Variants in FMN1 observed in about 807,000 individuals in gnomAD.
The protein encoded by FMN1 is formin-1.
Under a neutral mutation model 132.4 loss-of-function variants are expected in FMN1, and 110 were observed. That is an observed-to-expected ratio of 0.83 (90% confidence interval 0.71 to 0.97). FMN1 has a LOEUF of 0.97. Among genes scored for constraint, FMN1 ranks in the 50% least tolerant of loss-of-function variants. FMN1 has a pLI of 0.00. For missense variants in FMN1, 1,792 were observed against 1,705.3 expected (o/e 1.05, Z -0.90); for synonymous variants, 722 against 651.7 (o/e 1.11, Z -1.64).
At chr15:33,078,596 T>A (rs2038316872) in intron 5 of FMN1, among the ~76,000 whole-genome samples, 1 of 148,220 alleles carries the variant, frequency 6.7e-6, no homozygotes, top group South Asian at 2.2e-4. Context: ...ATAATGATAC[T>A]AATAAATTGG....
intron 6 of FMN1, among the ~76,000 whole-genome samples, chr15:33,026,542 A>G (rs911273778): frequency 6.6e-6 from 1 of 152,194 alleles, no homozygotes; most frequent in Non-Finnish European, 1.5e-5. Flanking sequence ...CTTGTAAGAA[A>G]AAGCATATTC....
intron 4 of FMN1, among the ~76,000 whole-genome samples, chr15:33,144,711 A>G (rs1189005283): frequency 6.6e-6 from 1 of 152,126 alleles, no homozygotes; most frequent in Non-Finnish European, 1.5e-5. Context: ...AAGATGCTAT[A>G]TAAGTAAGTG....
At chr15:32,840,167 C>T (rs2058715032) in intron 17 of FMN1, among the ~76,000 whole-genome samples, 2 of 152,222 alleles carry the variant, frequency 1.3e-5, no homozygotes, top group Non-Finnish European at 1.5e-5. Context: ...CACCCATTAA[C>T]TTGGCCTCCT....
chr15:32,956,073 G>C (rs1370836945), intron 9 of FMN1, among the ~76,000 whole-genome samples: 1 of 152,148 alleles, frequency 6.6e-6, no homozygotes, highest in Non-Finnish European at 1.5e-5. Flanking sequence ...AGAGATATGA[G>C]AAGACTAAAG....
At chr15:33,165,195 C>A (rs1173161686) in intron 3 of FMN1, among the ~76,000 whole-genome samples, 4 of 152,158 alleles carry the variant, frequency 2.6e-5, no homozygotes, top group Admixed American at 1.3e-4. Flanking sequence ...GTTAGTAAGA[C>A]AAAGAGAGCT....
chr15:32,780,610 C>T (rs1051013918), intron 19 of FMN1, among the ~76,000 whole-genome samples: 1 of 152,190 alleles, frequency 6.6e-6, no homozygotes, highest in African/African-American at 2.4e-5. Context: ...TTTCCCTGTA[C>T]TCTACAGACT....
intron 17 of FMN1, among the ~76,000 whole-genome samples, chr15:32,846,916 A>G (rs191851415): frequency 2.0e-5 from 3 of 152,316 alleles, no homozygotes; most frequent in African/African-American, 7.2e-5. Flanking sequence ...TAGTTTTTCC[A>G]AAACAAACTA....
At chr15:32,930,199 G>A (rs1488233595) in intron 9 of FMN1, among the ~76,000 whole-genome samples, 1 of 151,928 alleles carries the variant, frequency 6.6e-6, no homozygotes, top group Non-Finnish European at 1.5e-5. Flanking sequence ...GTGTTAGCCA[G>A]AATGGTCTCT....
At chr15:33,050,819 T>C (rs994649725) in intron 6 of FMN1, among the ~76,000 whole-genome samples, 4 of 152,232 alleles carry the variant, frequency 2.6e-5, no homozygotes, top group African/African-American at 9.6e-5. Flanking sequence ...AAAAGGTTCA[T>C]TACTACAGGC....
chr15:32,886,226 G>A (rs1410155451), intron 16 of FMN1, among the ~76,000 whole-genome samples: 1 of 152,078 alleles, frequency 6.6e-6, no homozygotes, highest in Non-Finnish European at 1.5e-5. Flanking sequence ...AGATTAGCAG[G>A]GCATTTTTGT....
chr15:33,155,427 A>G (rs1429605014), intron 3 of FMN1, among the ~76,000 whole-genome samples: 1 of 152,204 alleles, frequency 6.6e-6, no homozygotes, highest in South Asian at 2.1e-4. Context: ...AGATCCTTAG[A>G]AAACACAGCC....
chr15:33,014,625 G>C (rs2034932495), intron 6 of FMN1, among the ~76,000 whole-genome samples: 1 of 152,110 alleles, frequency 6.6e-6, no homozygotes. Context: ...TAACTGGCAG[G>C]ATTCAACATT....
At chr15:33,073,749 G>A (rs1420697547) in intron 5 of FMN1, among the ~76,000 whole-genome samples, 1 of 105,730 alleles carries the variant, frequency 9.5e-6, no homozygotes. Context: ...TTTTTTTTTT[G>A]AGACAGGGTC....
At chr15:32,824,913 C>A (rs2058325708) in intron 17 of FMN1, among the ~76,000 whole-genome samples, 1 of 152,190 alleles carries the variant, frequency 6.6e-6, no homozygotes, top group African/African-American at 2.4e-5. Context: ...CCAGGAATTC[C>A]AATTATTCCC....
At chr15:32,899,461 C>T (rs1240049939) in intron 14 of FMN1, among the ~76,000 whole-genome samples, 1 of 152,184 alleles carries the variant, frequency 6.6e-6, no homozygotes, top group Non-Finnish European at 1.5e-5. Flanking sequence ...CCCCATGGGA[C>T]GCCTAGCTAT....
chr15:33,082,683 A>AG (rs1374170955), intron 5 of FMN1, among the ~76,000 whole-genome samples: 1 of 152,156 alleles, frequency 6.6e-6, no homozygotes, highest in African/African-American at 2.4e-5. Flanking sequence ...GGTAGCTCCT[A>AG]GTTCAGTGGA....
At position 33,153,777 on chromosome 15, in the gene FMN1, C is replaced by A; in HGVS notation, c.1138G>T (p.Ala380Ser). The A allele has an allele frequency of 6.5e-7, 1 of 1,536,344 alleles. No individual in the cohort carries two copies. The highest frequency in any genetic ancestry group is 8.7e-7 in the Non-Finnish European group (1 of 1,146,968). Reference sequence around the variant, plus strand: ...TTGCCCTGCCGCCTGGAGCCATGAGCCCCAGCCTCAGCTCCCGGGAGGGTG... The same window carrying A: ...TTGCCCTGCCGCCTGGAGCCATGAGACCCAGCCTCAGCTCCCGGGAGGGTG... ...LLTLPGAEAG[A>S]HGSRRQGKER... The change falls in exon 4 of 21, where the codon GCT becomes TCT. Residue 380 changes from alanine (A) to serine (S), a missense_variant. Around this residue, in one of 3 missense-constraint regions of FMN1, gnomAD observed 638 missense variants for 645.2 expected, o/e 0.99. Transcript: ENST00000616417.
At position 32,969,383 on chromosome 15, in the gene FMN1, A is replaced by G; in HGVS notation, c.2318T>C (p.Leu773Pro). ...EETIENLKHE[L>P]EHRWRGGCEE... ...ACAACCCCCTCGCCATCTGTGTTCT[A>G]GCTCGTGTTTCAGATTTTCAATGGT... Residue 773 changes from leucine to proline, a missense_variant, in exon 8 of 21, where the codon CTA becomes CCA. Around this residue, in one of 3 missense-constraint regions of FMN1, gnomAD observed 1,150 missense variants for 1,043.1 expected, o/e 1.10. Coordinates refer to ENST00000616417, the MANE Select transcript of FMN1 (RefSeq NM_001277313.2). 1 of 1,613,916 alleles carries G rather than the reference A, an allele frequency of 6.2e-7. No homozygotes were observed. The highest frequency in any genetic ancestry group is 8.5e-7 in the Non-Finnish European group (1 of 1,179,880).
chr15:32,906,477 A>G (rs1230757171), intron 12 of FMN1, among the ~76,000 whole-genome samples: 1 of 152,194 alleles, frequency 6.6e-6, no homozygotes, highest in Non-Finnish European at 1.5e-5. Flanking sequence ...GCTGACTTGA[A>G]TATTTGTAAC....
Sources: allele counts gnomAD v4.1 joint callset (sites outside exome capture counted in the v4.1 genomes callset), GRCh38; gene constraint gnomAD v4.1.1; regional missense constraint gnomAD v4.1.1; transcripts MANE v1.5; gene names NCBI Gene and HGNC (gene_info 2026-07-23, HGNC 2026-07-21).